Variants in CADM2 observed in about 807,000 individuals in gnomAD.
CADM2 encodes the protein cell adhesion molecule 2.
CADM2 carries 12 observed loss-of-function variants against 49.8 expected under a neutral mutation model. That is an observed-to-expected ratio of 0.24 (90% CI 0.15 to 0.39). The LOEUF (loss-of-function observed/expected upper bound fraction) is 0.39, where lower values mean the gene tolerates loss of function less well. Ranked by LOEUF, CADM2 falls within the 10% of genes least tolerant of loss-of-function variation. The pLI is 1.00. For missense variants in CADM2, 378 were observed against 492.3 expected (o/e 0.77, Z 2.20); for synonymous variants, 214 against 175.4 (o/e 1.22, Z -1.74).
chr3:85,274,906 A>G (rs34605285), intron 1 of CADM2, among the ~76,000 whole-genome samples: 1 of 151,486 alleles, frequency 6.6e-6, no homozygotes, highest in Non-Finnish European at 1.5e-5. Context: ...AACAACACTG[A>G]AAGTGCAGGG....
chr3:85,687,634 T>G (rs2107672707), intron 1 of CADM2, among the ~76,000 whole-genome samples: 1 of 152,316 alleles, frequency 6.6e-6, no homozygotes, highest in East Asian at 1.9e-4. Flanking sequence ...TATTTTCTAC[T>G]TATTGTAAGA....
intron 1 of CADM2, among the ~76,000 whole-genome samples, chr3:85,503,209 C>A (rs1306475521): frequency 6.6e-6 from 1 of 152,076 alleles, no homozygotes. Context: ...TAAAAAATTT[C>A]TCAACAAGTT....
intron 8 of CADM2, among the ~76,000 whole-genome samples, chr3:86,029,205 T>C (rs1734266668): frequency 6.6e-6 from 1 of 152,100 alleles, no homozygotes; most frequent in Non-Finnish European, 1.5e-5. Context: ...CTATTGAACA[T>C]TTTCAGACAC....
In CADM2 at chr3:85,541,718, TTA is replaced by T. The variant is rs1168511548; in HGVS notation, c.62-184792_62-184791del. Among the ~76,000 whole-genome samples the T allele has an allele frequency of 1.9e-3, 170 of 89,206 alleles. 6 individuals carry two copies. The highest frequency in any genetic ancestry group is 0.015 in the Middle Eastern group (2 of 134). 58.5% of individuals were successfully genotyped at this position (89,206 alleles called of 152,430 possible). Reference sequence around the variant, plus strand: ...AATTAAATTATATATATATTTTATATTATATATATATATTTTATATATATATT... The same window carrying T: ...AATTAAATTATATATATATTTTATATTATATATATATTTTATATATATATT... On this transcript the variant is annotated intron_variant, in intron 1 of 9. Transcript: ENST00000383699.
intron 1 of CADM2, among the ~76,000 whole-genome samples, chr3:85,134,047 G>C (rs1312420229): frequency 6.6e-6 from 1 of 152,208 alleles, no homozygotes; most frequent in African/African-American, 2.4e-5. Flanking sequence ...CGAGCGCAGC[G>C]CCGGTGGGCT....
intron 8 of CADM2, among the ~76,000 whole-genome samples, chr3:86,021,484 G>T (rs1185845046): frequency 6.6e-6 from 1 of 152,032 alleles, no homozygotes; most frequent in African/African-American, 2.4e-5. Flanking sequence ...ATTTTTAACA[G>T]ATTATCTCAT....
intron 6 of CADM2, among the ~76,000 whole-genome samples, chr3:85,917,237 T>C (rs1400011030): frequency 6.6e-6 from 1 of 152,196 alleles, no homozygotes; most frequent in Non-Finnish European, 1.5e-5. Context: ...CATGAAGTCC[T>C]TGCCCATGCC....
chr3:85,930,508 A>G (rs73132637), intron 6 of CADM2, among the ~76,000 whole-genome samples: 8,261 of 152,156 alleles, frequency 0.054, 360 homozygotes, highest in South Asian at 0.11. Context: ...ACTATTGACT[A>G]TAGTCACTTC....
At chr3:85,945,104 C>T (rs977946616) in intron 7 of CADM2, among the ~76,000 whole-genome samples, 9 of 151,790 alleles carry the variant, frequency 5.9e-5, no homozygotes, top group East Asian at 1.9e-4. Context: ...ATATCACCAC[C>T]GATCCCACAG....
At chr3:85,527,857 C>T (rs2061202608) in intron 1 of CADM2, among the ~76,000 whole-genome samples, 2 of 152,302 alleles carry the variant, frequency 1.3e-5, no homozygotes, top group Admixed American at 1.3e-4. Context: ...ACGAGGATTG[C>T]ATTTTTTCTC....
At chr3:85,233,141 A>T (rs2042334834) in intron 1 of CADM2, among the ~76,000 whole-genome samples, 1 of 152,168 alleles carries the variant, frequency 6.6e-6, no homozygotes, top group Non-Finnish European at 1.5e-5. Flanking sequence ...CAGTCTAAAG[A>T]AGCAAATTTC....
intron 1 of CADM2, among the ~76,000 whole-genome samples, chr3:85,458,145 T>A (rs116657820): frequency 7.2e-4 from 110 of 152,286 alleles, no homozygotes; most frequent in African/African-American, 2.5e-3. Context: ...ATACCTCTCT[T>A]GTGGCACAGA....
chr3:86,017,863 AT>A (rs1159427471), intron 8 of CADM2, among the ~76,000 whole-genome samples: 1 of 149,166 alleles, frequency 6.7e-6, no homozygotes, highest in Non-Finnish European at 1.5e-5. Flanking sequence ...TCTTTTATTT[AT>A]TTTATTTTAT....
intron 1 of CADM2, among the ~76,000 whole-genome samples, chr3:85,584,590 G>T (rs1038728968): frequency 1.3e-5 from 2 of 152,040 alleles, no homozygotes; most frequent in African/African-American, 2.4e-5. Flanking sequence ...TCTAATGTTA[G>T]TAGTGTGAAA....
intron 1 of CADM2, among the ~76,000 whole-genome samples, chr3:85,194,175 T>C (rs2041281073): frequency 2.0e-5 from 3 of 151,996 alleles, no homozygotes; most frequent in South Asian, 2.1e-4. Context: ...TTGCAAAGTT[T>C]TGTTGCATAT....
intron 3 of CADM2, among the ~76,000 whole-genome samples, chr3:85,857,349 A>C (rs1395608141): frequency 2.6e-5 from 4 of 152,174 alleles, no homozygotes; most frequent in Non-Finnish European, 5.9e-5. Flanking sequence ...GGGAGTCAAG[A>C]TACTAGTCAA....
At chr3:85,033,146 T>C (rs2035059663) in intron 1 of CADM2, among the ~76,000 whole-genome samples, 1 of 152,206 alleles carries the variant, frequency 6.6e-6, no homozygotes, top group Non-Finnish European at 1.5e-5. Context: ...CATTTTTGCT[T>C]TTTGAGATGA....
intron 2 of CADM2, among the ~76,000 whole-genome samples, chr3:85,767,884 A>C: frequency 6.6e-6 from 1 of 152,150 alleles, no homozygotes; most frequent in East Asian, 1.9e-4. Context: ...AACCGACTGT[A>C]ATTTAGCATC....
At chr3:85,357,492 A>T (rs1559797976) in intron 1 of CADM2, among the ~76,000 whole-genome samples, 1 of 152,280 alleles carries the variant, frequency 6.6e-6, no homozygotes, top group East Asian at 1.9e-4. Context: ...TATAGCTAGT[A>T]CTTTAAATAT....
Sources: gnomAD v4.1 joint callset for allele counts (sites outside exome capture counted in the v4.1 genomes callset) on GRCh38, gnomAD v4.1.1 for gene constraint, MANE v1.5 for transcripts, NCBI Gene and HGNC (gene_info 2026-07-23, HGNC 2026-07-21) for gene names.